SRL: variants seen among roughly 807,000 people sequenced by gnomAD.
SRL encodes the protein sarcalumenin.
In SRL, 23 loss-of-function variants were observed where a neutral mutation model predicts 39.5. The ratio of observed to expected loss-of-function variants is 0.58; its 90% CI spans 0.42 to 0.82. The LOEUF (loss-of-function observed/expected upper bound fraction) is 0.82. SRL is among the 40% of genes least tolerant of loss of function. The pLI is 0.00. For missense variants in SRL, 592 were observed against 607.8 expected (o/e 0.97, Z 0.27); for synonymous variants, 272 against 237.4 (o/e 1.15, Z -1.34).
Position 4,241,908 on chromosome 16 carries a change from C to A in SRL, c.61+99G>T, listed in dbSNP as rs111800770. ...ACACCAGCCAAGAGCCAGGGTTTGCCATCAGCCCCGACCCCCTACCCAACC... is the reference window on the plus strand; with the variant it reads ...ACACCAGCCAAGAGCCAGGGTTTGCAATCAGCCCCGACCCCCTACCCAACC... On this transcript the variant is annotated intron_variant, in intron 1 of 5. Transcript: ENST00000399609. 3.0e-4 allele frequency: 393 copies of A among 1,317,746 alleles called. 1 individual carries two copies. The African/African-American group carries it at 4.7e-3, about 16-fold the overall frequency. 81.6% of individuals were successfully genotyped at this position (1,317,746 alleles called of 1,614,324 possible).
At chr16:4,221,810 C>T (rs1304311597) in intron 1 of SRL, among the ~76,000 whole-genome samples, 3 of 152,196 alleles carry the variant, frequency 2.0e-5, no homozygotes, top group Non-Finnish European at 4.4e-5. Context: ...CCTTCGTTGC[C>T]TCTCTAGCTT....
chr16:4,241,920 C>A, intron 1 of SRL, 87 bp downstream of exon 1: 1 of 1,477,228 alleles, frequency 6.8e-7, no homozygotes, highest in South Asian at 1.2e-5. Context: ...TCAGCCCCGA[C>A]CCCCTACCCA....
rs189153646 is a variant in SRL, at chr16:4,213,243, C to G, written c.62-8609G>C. On this transcript the variant is annotated intron_variant, in intron 1 of 5. Transcript: ENST00000399609. ...TCCTTGAATTTGTCTGCCCCAGTGT[C>G]CACAGAGAAAGACTGCAGGGAGATT... Among the ~76,000 whole-genome samples, 610 of 152,186 alleles carry G rather than the reference C, an allele frequency of 4.0e-3. 4 individuals carry two copies. Among genetic ancestry groups the G allele is most frequent in the Non-Finnish European group, 6.7e-3 (458 of 68,008 alleles).
At chr16:4,228,508 G>A (rs1480861295) in intron 1 of SRL, among the ~76,000 whole-genome samples, 1 of 152,014 alleles carries the variant, frequency 6.6e-6, no homozygotes, top group Admixed American at 6.6e-5. Flanking sequence ...GGCCGAGGCG[G>A]GCGGATCACT....
intron 1 of SRL, among the ~76,000 whole-genome samples, chr16:4,205,958 G>A (rs990853676): frequency 6.9e-6 from 1 of 144,642 alleles, no homozygotes; most frequent in African/African-American, 2.6e-5. Context: ...AAAAAAAAAA[G>A]TATGTAAATT....
At chr16:4,204,395 A>T (rs938150387) in intron 2 of SRL, 138 bp downstream of exon 2, 1 of 80,494 alleles carries the variant, frequency 1.2e-5, no homozygotes, top group Non-Finnish European at 2.0e-5. Context: ...CGTCCCCTCC[A>T]GCCTCCAAGA....
At chr16:4,222,653 T>C (rs991506812) in intron 1 of SRL, among the ~76,000 whole-genome samples, 4 of 128,068 alleles carry the variant, frequency 3.1e-5, no homozygotes, top group Non-Finnish European at 6.4e-5. Flanking sequence ...TTGTCCCCAC[T>C]GGAGGCTGCA....
chr16:4,206,382 C>T (rs914842987), intron 1 of SRL, among the ~76,000 whole-genome samples: 2 of 152,178 alleles, frequency 1.3e-5, no homozygotes, highest in African/African-American at 4.8e-5. Context: ...ATTCCCTGCA[C>T]GTCCCTCCAC....
chr16:4,216,029 C>G (rs62037572), intron 1 of SRL, among the ~76,000 whole-genome samples: 34,700 of 151,138 alleles, frequency 0.23, 4,250 homozygotes, highest in Middle Eastern at 0.48. Flanking sequence ...GAGGGAGACC[C>G]TGTCTCAAAA....
In SRL at chr16:4,197,809, C is replaced by T. The variant is rs1215670710; in HGVS notation, c.366G>A (p.Gln122=). 6.2e-7 allele frequency: 1 copy of T among 1,601,592 alleles called. No individual in the cohort carries two copies. The highest frequency in any genetic ancestry group is 1.7e-5 in the Admixed American group (1 of 60,004). ...AAGAATATTGATTACCTGTATAGAG[C>T]TGATAGCGAGTATTTTCCAGCCCAA... ...YLLGLENTRY[Q]LYTGAEPTTS... The change falls in exon 4 of 6, where the codon CAG becomes CAA. Residue 122 remains glutamine, a synonymous_variant. Transcript: ENST00000399609.
intron 2 of SRL, among the ~76,000 whole-genome samples, chr16:4,203,987 G>A (rs1438901516): frequency 6.6e-6 from 1 of 152,194 alleles, no homozygotes; most frequent in Admixed American, 6.5e-5. Flanking sequence ...GCTCCCTGCT[G>A]GGAGCCCACA....
In SRL at chr16:4,219,357, T is replaced by G. The variant is rs900570944; in HGVS notation, c.62-14723A>C. Reference sequence around the variant, plus strand: ...TCCCTGGGAGCTGGGGCCCCTGGATTGCTCATCTGTCCCCCTATTGTTCCT... The same window carrying G: ...TCCCTGGGAGCTGGGGCCCCTGGATGGCTCATCTGTCCCCCTATTGTTCCT... On this transcript the variant is annotated intron_variant, in intron 1 of 5. Coordinates refer to ENST00000399609, the MANE Select transcript of SRL (RefSeq NM_001098814.2). Among the ~76,000 whole-genome samples the G allele has an allele frequency of 2.8e-4, 42 of 152,252 alleles. 1 individual carries two copies. The highest frequency in any genetic ancestry group is 7.7e-4 in the African/African-American group (32 of 41,470).
chr16:4,197,199 G>A lies in SRL; in HGVS notation c.376+600C>T, dbSNP rs1419173506. 2.0e-5 allele frequency among the ~76,000 whole-genome samples: 3 copies of A among 149,706 alleles called. No homozygotes were observed. In the Admixed American group the frequency reaches 2.0e-4, roughly 10 times the overall value. On this transcript the variant is annotated intron_variant, in intron 4 of 5. Coordinates refer to ENST00000399609, the MANE Select transcript of SRL (RefSeq NM_001098814.2). The stretch of plus-strand genomic sequence containing the variant: ...TTCCGCTGCCTCAGCCTCCCAAGTA[G>A]CTGGGACTACAGGCACCCGCCATCA...
At chr16:4,218,781 G>A (rs2052489235) in intron 1 of SRL, among the ~76,000 whole-genome samples, 2 of 152,230 alleles carry the variant, frequency 1.3e-5, no homozygotes, top group South Asian at 2.1e-4. Flanking sequence ...CAACTGCCAG[G>A]AAGACCACAG....
chr16:4,198,663 G>C (rs1052730452), intron 3 of SRL, among the ~76,000 whole-genome samples: 2 of 152,012 alleles, frequency 1.3e-5, no homozygotes, highest in Non-Finnish European at 2.9e-5. Flanking sequence ...GCTCAGGCTG[G>C]TCTCAAACTT....
intron 1 of SRL, among the ~76,000 whole-genome samples, chr16:4,211,829 GTGA>G (rs1255148745): frequency 6.6e-6 from 1 of 151,728 alleles, no homozygotes. Context: ...AGCAATGGTG[GTGA>G]TGATGATGAT....
chr16:4,238,787 T>C (rs1169705788), intron 1 of SRL, among the ~76,000 whole-genome samples: 1 of 147,730 alleles, frequency 6.8e-6, no homozygotes, highest in African/African-American at 2.6e-5. Context: ...TACACCGAGC[T>C]ATTTTTTTTT....
At chr16:4,236,880 T>C (rs1256807370) in intron 1 of SRL, among the ~76,000 whole-genome samples, 1 of 152,086 alleles carries the variant, frequency 6.6e-6, no homozygotes, top group Non-Finnish European at 1.5e-5. Flanking sequence ...CCTGACCTCG[T>C]GATCTGCCCT....
intron 1 of SRL, chr16:4,208,081 C>T (rs1471124095): frequency 2.2e-6 from 1 of 454,934 alleles, no homozygotes; most frequent in Non-Finnish European, 4.4e-6. Flanking sequence ...TCTTCTGTGC[C>T]ACCCGACGCG....
Sources: allele counts gnomAD v4.1 joint callset (sites outside exome capture counted in the v4.1 genomes callset), GRCh38; gene constraint gnomAD v4.1.1; transcripts MANE v1.5; gene names NCBI Gene and HGNC (gene_info 2026-07-23, HGNC 2026-07-21).